Variants in ZNF568 observed in about 807,000 individuals in gnomAD.
ZNF568 encodes the protein zinc finger protein 568, also known as p53 inhibitor of SCO2 activation.
Under a neutral mutation model 18.1 loss-of-function variants are expected in ZNF568, and 11 were observed. That is an observed-to-expected ratio of 0.61 (90% confidence interval 0.38 to 1.00). The LOEUF (loss-of-function observed/expected upper bound fraction) is 1.00, where lower values mean the gene tolerates loss of function less well. ZNF568 is among the 50% of genes least tolerant of loss of function. The pLI, the probability that ZNF568 is intolerant of heterozygous loss-of-function variation, is 0.01. For synonymous variants in ZNF568, 213 were observed against 246.6 expected (o/e 0.86, Z 1.28); for missense variants, 639 against 768.2 (o/e 0.83, Z 1.99).
chr19:36,982,167 C>T (rs2074337155), downstream of ZNF568, among the ~76,000 whole-genome samples: 1 of 151,980 alleles, frequency 6.6e-6, no homozygotes, highest in South Asian at 2.1e-4. Context: ...CTTTTTTAAC[C>T]TTTATTTTAA....
At chr19:36,966,370 C>T (rs990711707) in intron 6 of ZNF568, among the ~76,000 whole-genome samples, 2 of 152,138 alleles carry the variant, frequency 1.3e-5, no homozygotes, top group African/African-American at 4.8e-5. Flanking sequence ...CTTAGTCTCC[C>T]AAAGTATTGG....
At chr19:36,971,575 A>C (rs899406272) in intron 6 of ZNF568, among the ~76,000 whole-genome samples, 10 of 152,006 alleles carry the variant, frequency 6.6e-5, no homozygotes, top group Non-Finnish European at 1.5e-4. Flanking sequence ...ATTATTGCCC[A>C]AGTGCCTATG....
downstream of ZNF568, among the ~76,000 whole-genome samples, chr19:36,980,561 C>T (rs1430003693): frequency 2.0e-5 from 3 of 152,112 alleles, no homozygotes; most frequent in Admixed American, 6.6e-5. Context: ...CAGGTATTTC[C>T]ACCACCACCA....
chr19:36,981,997 G>T (rs2074335540), downstream of ZNF568, among the ~76,000 whole-genome samples: 1 of 150,448 alleles, frequency 6.6e-6, no homozygotes, highest in South Asian at 2.1e-4. Context: ...TTGAGATATT[G>T]ATTTTATATC....
At chr19:36,956,941 T>C (rs1317024217), downstream of ZNF568, among the ~76,000 whole-genome samples, 1 of 152,158 alleles carries the variant, frequency 6.6e-6, no homozygotes, top group Non-Finnish European at 1.5e-5. Context: ...ACTCATTACA[T>C]GTTAATACAA....
At chr19:36,939,196 C>CA (rs1189451315) in intron 6 of ZNF568, among the ~76,000 whole-genome samples, 1 of 152,164 alleles carries the variant, frequency 6.6e-6, no homozygotes, top group Non-Finnish European at 1.5e-5. Context: ...TTCCATCTTC[C>CA]TATGCTAACA....
At chr19:36,984,688 GT>G (rs374378361), downstream of ZNF568, among the ~76,000 whole-genome samples, 9 of 144,848 alleles carry the variant, frequency 6.2e-5, no homozygotes, top group African/African-American at 1.0e-4. Context: ...TTTGGTGTTT[GT>G]TTTTTTTTTA....
intron 6 of ZNF568, among the ~76,000 whole-genome samples, chr19:36,939,578 C>T (rs1050644048): frequency 2.5e-5 from 3 of 118,368 alleles, no homozygotes; most frequent in African/African-American, 1.0e-4. Context: ...CTCACTCTGT[C>T]ATCCAGGCTG....
chr19:36,939,532 C>CTTTTTTTTTTTTTTTT (rs386388962), intron 6 of ZNF568, among the ~76,000 whole-genome samples: 3 of 93,084 alleles, frequency 3.2e-5, no homozygotes, highest in African/African-American at 4.3e-5. Context: ...TATTTTCTTT[C>CTTTTTTTTTTTTTTTT]TTTTTTTTTT....
chr19:36,917,792 C>G (rs571551446), intron 2 of ZNF568, 144 bp downstream of exon 2: 43 of 152,248 alleles, frequency 2.8e-4, no homozygotes, highest in African/African-American at 9.6e-4. Flanking sequence ...CCCTTTTTCT[C>G]CCCTAGGTTG....
At chr19:36,992,840 C>T (rs1022356519) in intron 4 of ZNF568, among the ~76,000 whole-genome samples, 1 of 152,210 alleles carries the variant, frequency 6.6e-6, no homozygotes, top group Admixed American at 6.5e-5. Context: ...TGATCACTTT[C>T]TGTCTACATA....
At chr19:36,921,431 A>G (rs1484452301) in intron 2 of ZNF568, among the ~76,000 whole-genome samples, 1 of 151,992 alleles carries the variant, frequency 6.6e-6, no homozygotes, top group Non-Finnish European at 1.5e-5. Flanking sequence ...ATTGCACTCC[A>G]GCCTGGGCAA....
intron 2 of ZNF568, among the ~76,000 whole-genome samples, chr19:36,920,676 T>A (rs1221204280): frequency 6.6e-6 from 1 of 151,956 alleles, no homozygotes; most frequent in East Asian, 1.9e-4. Context: ...AAGCTAAGGC[T>A]AATTCAACAA....
downstream of ZNF568, chr19:36,997,785 CTT>C (rs1413620628): frequency 3.5e-6 from 2 of 567,918 alleles, no homozygotes; most frequent in East Asian, 5.8e-5. Flanking sequence ...GAAAAAAAAA[CTT>C]ATGATTCTAA....
At chr19:36,976,427 A>C (rs2074285656) in intron 7 of ZNF568, 1 of 152,174 alleles carries the variant, frequency 6.6e-6, no homozygotes, top group South Asian at 2.1e-4. Flanking sequence ...ATCTCTCTGA[A>C]ATCAAAATGG....
At chr19:36,929,706 A>G (rs1049060729) in intron 4 of ZNF568, among the ~76,000 whole-genome samples, 7 of 145,618 alleles carry the variant, frequency 4.8e-5, no homozygotes, top group Admixed American at 2.7e-4. Context: ...AAAAAAAATT[A>G]GCTAGGTTTG....
chr19:36,995,482 A>G (rs1376904822), intron 4 of ZNF568, among the ~76,000 whole-genome samples: 2 of 151,702 alleles, frequency 1.3e-5, no homozygotes, highest in Non-Finnish European at 1.5e-5. Context: ...CATCCTGCCA[A>G]CCTCTTCTTG....
At chr19:36,927,914 T>A (rs1369717648) in intron 4 of ZNF568, among the ~76,000 whole-genome samples, 2 of 65,650 alleles carry the variant, frequency 3.0e-5, no homozygotes, top group Admixed American at 1.9e-4. Flanking sequence ...TTTTTTTTTT[T>A]TTTTTTTTTT....
chr19:36,946,751 C>T (rs2073973174), intron 6 of ZNF568, among the ~76,000 whole-genome samples: 1 of 146,290 alleles, frequency 6.8e-6, no homozygotes, highest in African/African-American at 2.5e-5. Flanking sequence ...CTCCCAGGTT[C>T]ACGCGATTCT....
Sources: gnomAD v4.1 joint callset for allele counts (sites outside exome capture counted in the v4.1 genomes callset) on GRCh38, gnomAD v4.1.1 for gene constraint, MANE v1.5 for transcripts, NCBI Gene and HGNC (gene_info 2026-07-23, HGNC 2026-07-21) for gene names.